Variants in PLEKHA7 observed in about 807,000 individuals in gnomAD.
PLEKHA7 encodes the protein pleckstrin homology domain containing A7.
A neutral mutation model predicts 170.0 loss-of-function variants in PLEKHA7; 104 were observed. That is an observed-to-expected ratio of 0.61 (90% confidence interval 0.52 to 0.72). PLEKHA7 has a LOEUF of 0.72. Among genes scored for constraint, PLEKHA7 ranks in the 30% least tolerant of loss-of-function variants. The pLI, the probability that PLEKHA7 is intolerant of heterozygous loss-of-function variation, is 0.00. For synonymous variants in PLEKHA7, 648 were observed against 660.8 expected (o/e 0.98, Z 0.30); for missense variants, 1,615 against 1,671.7 (o/e 0.97, Z 0.59).
At chr11:16,785,649 G>A (rs900105611) in intron 24 of PLEKHA7, among the ~76,000 whole-genome samples, 12 of 152,108 alleles carry the variant, frequency 7.9e-5, no homozygotes, top group Non-Finnish European at 1.6e-4. Flanking sequence ...TAGAGATCCA[G>A]GAGTTACTTG....
rs145706949 is a variant in PLEKHA7, at chr11:16,955,625, C to T, written c.221+58364G>A. On this transcript the variant is annotated intron_variant, in intron 3 of 26. Transcript: ENST00000531066. ...AATCGATGAAGCTTAAAGAAAATAA[C>T]TGCTTAGATGGAGCTCTAAGTTTTT... 6.2e-3 allele frequency among the ~76,000 whole-genome samples: 942 copies of T among 152,282 alleles called. 5 individuals are homozygous for T. The highest frequency in any genetic ancestry group is 9.9e-3 in the Non-Finnish European group (673 of 68,028).
At chr11:16,784,846 T>C (rs910070841) in intron 24 of PLEKHA7, among the ~76,000 whole-genome samples, 2 of 152,232 alleles carry the variant, frequency 1.3e-5, no homozygotes, top group South Asian at 2.1e-4. Flanking sequence ...GATTACATTG[T>C]AGCAGGAGGA....
intron 8 of PLEKHA7, among the ~76,000 whole-genome samples, chr11:16,844,818 T>C (rs556140341): frequency 4.6e-5 from 7 of 152,088 alleles, no homozygotes; most frequent in East Asian, 1.9e-4. Context: ...CAGTGGAAAA[T>C]AGAGGAGCAC....
chr11:16,956,521 T>C (rs1242716030), intron 3 of PLEKHA7, among the ~76,000 whole-genome samples: 3 of 152,216 alleles, frequency 2.0e-5, no homozygotes, highest in Non-Finnish European at 4.4e-5. Context: ...GCTAGTTCCA[T>C]GGCTCTCTCT....
intron 13 of PLEKHA7, among the ~76,000 whole-genome samples, chr11:16,807,653 C>T (rs563319609): frequency 1.1e-4 from 16 of 152,302 alleles, no homozygotes; most frequent in South Asian, 8.3e-4. Context: ...ATTCATCTCA[C>T]CCCCACTCAA....
rs760543782 is a variant in PLEKHA7 at position 17,014,240 on chromosome 11, C to T, written c.87-39G>A. 6.5e-5 allele frequency: 93 copies of T among 1,430,656 alleles called. 1 individual carries two copies. Among genetic ancestry groups the T allele is most frequent in the Admixed American group, 2.9e-4 (9 of 30,788 alleles). The allele number at this position is 1,430,656 out of a possible 1,614,324, so 88.6% of individuals were successfully genotyped here. A position where few individuals can be genotyped will look rare whatever the true frequency, so the allele number is the denominator to read the frequency against. The stretch of plus-strand genomic sequence containing the variant: ...GGTGCACCTGTTAGCGCCGCCACAG[C>T]CCGCCGGGTGCCCGCCCGGCCCCCG... On this transcript the variant is annotated intron_variant, in intron 1 of 26. Coordinates refer to ENST00000531066, the MANE Select transcript of PLEKHA7 (RefSeq NM_001329630.2).
At chr11:16,835,806 T>C (rs1458503055) in intron 9 of PLEKHA7, among the ~76,000 whole-genome samples, 1 of 151,956 alleles carries the variant, frequency 6.6e-6, no homozygotes, top group Admixed American at 6.6e-5. Context: ...GCAAAAGAAA[T>C]AGGTATAACA....
At chr11:16,886,623 A>T (rs1856125887) in intron 3 of PLEKHA7, among the ~76,000 whole-genome samples, 1 of 148,674 alleles carries the variant, frequency 6.7e-6, no homozygotes, top group African/African-American at 2.5e-5. Context: ...AGGCAGGAGA[A>T]TTGCTTGAAC....
At chr11:16,860,485 T>A (rs185308373) in intron 4 of PLEKHA7, among the ~76,000 whole-genome samples, 2 of 152,232 alleles carry the variant, frequency 1.3e-5, no homozygotes, top group Admixed American at 1.3e-4. Flanking sequence ...GATCACCACC[T>A]CTTCAGGACA....
Position 16,871,148 on chromosome 11 carries a change from C to T in PLEKHA7, c.256G>A (p.Val86Met), listed in dbSNP as rs990921660. The change falls in exon 4 of 27, where the codon GTG (valine) becomes ATG (methionine). Residue 86 changes from valine to methionine, a missense_variant. Val to Met is a conservative substitution (Grantham distance 21). Transcript: ENST00000531066. Reference sequence around the variant, plus strand: ...TTTTCTGGAGAAAACTGTCCCGTCACAGGATGCCTGAATGCTGTGGTCTGC... The same window carrying T: ...TTTTCTGGAGAAAACTGTCCCGTCATAGGATGCCTGAATGCTGTGGTCTGC... ...NQQTTAFRHP[V>M]TGQFSPENSE... 7 of 1,610,192 alleles carry T rather than the reference C, an allele frequency of 4.3e-6. No individual in the cohort carries two copies. Among genetic ancestry groups the T allele is most frequent in the Non-Finnish European group, 5.9e-6 (7 of 1,176,682 alleles).
intron 3 of PLEKHA7, among the ~76,000 whole-genome samples, chr11:16,882,513 A>AGAAT (rs1446623417): frequency 2.0e-5 from 3 of 152,278 alleles, no homozygotes; most frequent in African/African-American, 7.2e-5. Context: ...TTGCCATAGC[A>AGAAT]GAATGAATGA....
intron 3 of PLEKHA7, among the ~76,000 whole-genome samples, chr11:16,917,416 G>A (rs1488187105): frequency 2.0e-5 from 3 of 151,954 alleles, no homozygotes; most frequent in Admixed American, 6.6e-5. Flanking sequence ...CTAAGGTTTC[G>A]GAGGTCAGAT....
intron 10 of PLEKHA7, among the ~76,000 whole-genome samples, chr11:16,823,902 C>T (rs1400440233): frequency 6.6e-6 from 1 of 152,170 alleles, no homozygotes; most frequent in Non-Finnish European, 1.5e-5. Context: ...GGTATTTATA[C>T]TCAGTGGAGT....
At chr11:16,931,781 GGAA>G (rs1331298458) in intron 3 of PLEKHA7, among the ~76,000 whole-genome samples, 29 of 149,902 alleles carry the variant, frequency 1.9e-4, no homozygotes, top group Non-Finnish European at 4.4e-5. Context: ...AAAAAAAAAG[GGAA>G]GAAGAAGAAG....
chr11:16,826,704 C>T (rs559745410), intron 9 of PLEKHA7, 114 bp from the exon 10 acceptor site: 1,207 of 948,064 alleles, frequency 1.3e-3, no homozygotes, highest in Non-Finnish European at 1.6e-3. Flanking sequence ...CTGCTCAGAA[C>T]GCCTTTCATG....
At chr11:17,002,237 G>A (rs769218277) in intron 3 of PLEKHA7, among the ~76,000 whole-genome samples, 6 of 152,192 alleles carry the variant, frequency 3.9e-5, no homozygotes, top group Non-Finnish European at 8.8e-5. Context: ...CTAGAGGGAG[G>A]AATCAGTAGA....
intron 9 of PLEKHA7, among the ~76,000 whole-genome samples, chr11:16,829,057 C>A (rs937830383): frequency 1.3e-5 from 2 of 151,586 alleles, no homozygotes; most frequent in Admixed American, 6.6e-5. Context: ...GGCTGGAGTG[C>A]GGTGGCAATG....
At chr11:16,892,622 T>C (rs1291870434) in intron 3 of PLEKHA7, among the ~76,000 whole-genome samples, 2 of 114,742 alleles carry the variant, frequency 1.7e-5, no homozygotes, top group East Asian at 2.1e-4. Context: ...CCAGCTTCTT[T>C]TTTTTTTTTT....
chr11:16,882,500 G>A (rs1181798426), intron 3 of PLEKHA7, among the ~76,000 whole-genome samples: 1 of 152,156 alleles, frequency 6.6e-6, no homozygotes, highest in Non-Finnish European at 1.5e-5. Context: ...ACAAAATACC[G>A]AATTGCCATA....
Sources: gnomAD v4.1 joint callset for allele counts (sites outside exome capture counted in the v4.1 genomes callset) on GRCh38, gnomAD v4.1.1 for gene constraint, MANE v1.5 for transcripts, NCBI Gene and HGNC (gene_info 2026-07-23, HGNC 2026-07-21) for gene names.